FASTKD1: variants seen among roughly 807,000 people sequenced by gnomAD.
The protein encoded by FASTKD1 is FAST kinase domain-containing protein 1, mitochondrial.
In FASTKD1, 94 loss-of-function variants were observed where a neutral mutation model predicts 90.9. The ratio of observed to expected loss-of-function variants is 1.03; its 90% CI spans 0.88 to 1.23. The LOEUF (loss-of-function observed/expected upper bound fraction) is 1.23. Ranked by LOEUF, FASTKD1 falls within the 50% of genes most tolerant of loss-of-function variation. The pLI, the probability that FASTKD1 is intolerant of heterozygous loss-of-function variation, is 0.00. For missense variants in FASTKD1, 945 were observed against 993.5 expected (o/e 0.95, Z 0.66); for synonymous variants, 319 against 345.8 (o/e 0.92, Z 0.86).
chr2:169,540,516 C>T (rs1361519506), intron 9 of FASTKD1, among the ~76,000 whole-genome samples: 2 of 152,022 alleles, frequency 1.3e-5, no homozygotes, highest in Non-Finnish European at 2.9e-5. Context: ...TTAAAAATAG[C>T]CTTGGAAAAA....
chr2:169,543,479 A>G (rs1381781621), intron 9 of FASTKD1, among the ~76,000 whole-genome samples: 1 of 152,140 alleles, frequency 6.6e-6, no homozygotes, highest in Non-Finnish European at 1.5e-5. Flanking sequence ...AAAAAGTTAT[A>G]AAAGATAATT....
chr2:169,572,109 G>GT lies in FASTKD1; in HGVS notation c.-81dup. On this transcript the variant is annotated 5_prime_UTR_variant, in exon 2 of 15. It introduces an in-frame stop codon into an upstream open reading frame of the 5' UTR. Coordinates refer to ENST00000453153, the MANE Select transcript of FASTKD1 (RefSeq NM_024622.6). ...GCAATAAGCAGGGATACAAATAACA[G>GT]TTTTTCCTTCATGTATTTTGCTTCC... The GT allele has an allele frequency of 6.7e-7, 1 of 1,486,838 alleles. No homozygotes were observed. The highest frequency in any genetic ancestry group is 8.9e-7 in the Non-Finnish European group (1 of 1,120,196). The allele number at this position is 1,486,838 out of a possible 1,614,324, so 92.1% of individuals were successfully genotyped here. A position where few individuals can be genotyped will look rare whatever the true frequency, so the allele number is the denominator to read the frequency against.
chr2:169,532,826 T>C (rs992535683), intron 12 of FASTKD1, among the ~76,000 whole-genome samples: 2 of 151,918 alleles, frequency 1.3e-5, no homozygotes, highest in Non-Finnish European at 2.9e-5. Flanking sequence ...AAAGCAAAGG[T>C]ATAGGGGTGC....
At chr2:169,553,171 C>T (rs907889270) in intron 7 of FASTKD1, among the ~76,000 whole-genome samples, 1 of 151,108 alleles carries the variant, frequency 6.6e-6, no homozygotes, top group Non-Finnish European at 1.5e-5. Flanking sequence ...TGCTCTACTG[C>T]AGCCTGGGTG....
chr2:169,535,281 A>C (rs188105842), intron 12 of FASTKD1, among the ~76,000 whole-genome samples: 102 of 152,088 alleles, frequency 6.7e-4, no homozygotes, highest in African/African-American at 2.3e-3. Flanking sequence ...TCCTGGGTTC[A>C]AGAGATTCTC....
At chr2:169,535,244 G>T (rs1001624216) in intron 12 of FASTKD1, among the ~76,000 whole-genome samples, 1 of 151,856 alleles carries the variant, frequency 6.6e-6, no homozygotes, top group African/African-American at 2.4e-5. Flanking sequence ...GTGCAGTAGC[G>T]TGACTGTAAC....
chr2:169,568,811 C>G (rs546947561), intron 3 of FASTKD1, among the ~76,000 whole-genome samples: 6 of 151,696 alleles, frequency 4.0e-5, no homozygotes, highest in African/African-American at 1.4e-4. Flanking sequence ...CCAGCCTGGC[C>G]AAGATGGTGA....
chr2:169,561,802 T>C (rs1163923593), intron 4 of FASTKD1, among the ~76,000 whole-genome samples: 1 of 139,910 alleles, frequency 7.1e-6, no homozygotes, highest in African/African-American at 2.8e-5. Context: ...GTAAATTATT[T>C]ATTAATTTAT....
intron 5 of FASTKD1, among the ~76,000 whole-genome samples, chr2:169,558,437 TTATTTTTTG>T (rs1176870385): frequency 2.7e-4 from 41 of 151,758 alleles, no homozygotes; most frequent in Middle Eastern, 3.2e-3. Context: ...TCCCGGCTAA[TTATTTTTTG>T]TATTTTTTTG....
At chr2:169,549,870 T>C (rs1411837694) in intron 7 of FASTKD1, among the ~76,000 whole-genome samples, 3 of 152,208 alleles carry the variant, frequency 2.0e-5, no homozygotes. Context: ...TTAGTAAACT[T>C]AAAAAGTTGG....
chr2:169,561,768 TTG>T lies in FASTKD1; in HGVS notation c.573-985_573-984del, dbSNP rs1284981442. 2.2e-3 allele frequency among the ~76,000 whole-genome samples: 306 copies of T among 140,220 alleles called. 8 individuals carry two copies. The highest frequency in any genetic ancestry group is 5.6e-3 in the African/African-American group (213 of 37,876). 92.0% of individuals were successfully genotyped at this position (140,220 alleles called of 152,430 possible). ...TCATTATAAATTATTTATTAATTTA[TTG>T]TAAATTATTTATTAATTTATTGTAA... On this transcript the variant is annotated intron_variant, in intron 4 of 14. Transcript: ENST00000453153.
chr2:169,531,051 G>A (rs1309638179), intron 13 of FASTKD1: 1 of 676,156 alleles, frequency 1.5e-6, no homozygotes, highest in Admixed American at 1.8e-5. Context: ...ATGCAGTGTA[G>A]GAAGTGGCTA....
In FASTKD1 at chr2:169,562,054, TTTA is replaced by T. The variant is rs1221441719; in HGVS notation, c.572+1168_572+1170del. ...TTATTAATTTATTGTAAATTAATTA[TTTA>T]TTAATTTATTGTAAAATAATTATTT... is the stretch of plus-strand genomic sequence containing the variant. On this transcript the variant is annotated intron_variant, in intron 4 of 14. Coordinates refer to ENST00000453153, the MANE Select transcript of FASTKD1 (RefSeq NM_024622.6). 2.3e-5 allele frequency among the ~76,000 whole-genome samples: 3 copies of T among 129,452 alleles called. 1 individual carries two copies. The highest frequency in any genetic ancestry group is 8.8e-5 in the African/African-American group (3 of 34,134). 84.9% of individuals were successfully genotyped at this position (129,452 alleles called of 152,430 possible). A position where few individuals can be genotyped will look rare whatever the true frequency, so the allele number is the denominator to read the frequency against.
intron 9 of FASTKD1, among the ~76,000 whole-genome samples, chr2:169,541,697 T>A (rs1466921844): frequency 1.3e-5 from 2 of 152,082 alleles, no homozygotes; most frequent in African/African-American, 4.8e-5. Flanking sequence ...TCTATATAAA[T>A]CCCTAATGTA....
At chr2:169,565,249 CTTTTTTT>C (rs71003101) in intron 3 of FASTKD1, among the ~76,000 whole-genome samples, 9 of 26,550 alleles carry the variant, frequency 3.4e-4, no homozygotes, top group Admixed American at 1.2e-3. Flanking sequence ...CCACACCAGG[CTTTTTTT>C]TTTTTTTTTT....
chr2:169,535,712 C>G (rs548032139), intron 12 of FASTKD1, among the ~76,000 whole-genome samples: 1 of 152,280 alleles, frequency 6.6e-6, no homozygotes, highest in Non-Finnish European at 1.5e-5. Context: ...TAATGATTAT[C>G]TAGTTCACCT....
intron 3 of FASTKD1, among the ~76,000 whole-genome samples, chr2:169,565,362 A>C (rs986956921): frequency 5.7e-5 from 8 of 140,188 alleles, no homozygotes; most frequent in African/African-American, 2.2e-4. Flanking sequence ...TCCCGAGTTC[A>C]CGCCATTCTC....
chr2:169,533,558 C>T (rs1023235502), intron 12 of FASTKD1, among the ~76,000 whole-genome samples: 3 of 152,052 alleles, frequency 2.0e-5, no homozygotes, highest in Non-Finnish European at 4.4e-5. Flanking sequence ...TATATGCATA[C>T]ACACACACAA....
chr2:169,548,067 GAAGGAATA>G (rs1404601823), intron 7 of FASTKD1, among the ~76,000 whole-genome samples: 5 of 150,298 alleles, frequency 3.3e-5, no homozygotes, highest in Admixed American at 2.0e-4. Flanking sequence ...AGAAATAGTG[GAAGGAATA>G]AAGGAATAAA....
Sources: allele counts gnomAD v4.1 joint callset (sites outside exome capture counted in the v4.1 genomes callset), GRCh38; gene constraint gnomAD v4.1.1; transcripts MANE v1.5; gene names NCBI Gene and HGNC (gene_info 2026-07-23, HGNC 2026-07-21).